The following C3orf49 variants were observed in gnomAD, a reference collection of about 807,000 sequenced individuals.
The protein encoded by C3orf49 is chromosome 3 open reading frame 49.
Under a neutral mutation model 13.3 loss-of-function variants are expected in C3orf49, and 27 were observed. The observed-to-expected ratio is 2.02, with a 90% confidence interval of 1.49 to 2.79. C3orf49 has a LOEUF of 2.79. C3orf49 is among the 30% of genes most tolerant of loss of function. C3orf49 has a pLI of 0.00. For synonymous variants in C3orf49, 87 were observed against 47.6 expected (o/e 1.83, Z -3.40); for missense variants, 242 against 134.2 (o/e 1.80, Z -3.97).
upstream of C3orf49, among the ~76,000 whole-genome samples, chr3:63,815,686 G>T (rs1701315802): frequency 6.6e-6 from 1 of 151,762 alleles, no homozygotes. Flanking sequence ...CTTTCTTGAT[G>T]ATTTTGGAGG....
chr3:63,848,154 A>T (rs950811300), intron 6 of C3orf49, among the ~76,000 whole-genome samples: 5 of 152,198 alleles, frequency 3.3e-5, no homozygotes, highest in African/African-American at 1.2e-4. Flanking sequence ...GTTGTCTCAT[A>T]AATCTACATT....
At chr3:63,807,536 T>C in the C3orf49 span, among the ~76,000 whole-genome samples, 1 of 152,084 alleles carries the variant, frequency 6.6e-6, no homozygotes, top group Non-Finnish European at 1.5e-5. Context: ...TGATTCAGGA[T>C]GAACTTCTCT....
chr3:63,798,787 G>A, the C3orf49 span, among the ~76,000 whole-genome samples: 9 of 152,136 alleles, frequency 5.9e-5, no homozygotes, highest in Non-Finnish European at 1.0e-4. Context: ...GTCATTCCAT[G>A]ATTGGTGAAA....
chr3:63,835,492 A>C (rs1701612951), intron 5 of C3orf49: 2 of 1,065,758 alleles, frequency 1.9e-6, no homozygotes, highest in African/African-American at 1.6e-5. Flanking sequence ...TAAAATAAAA[A>C]AAGGGCTTAT....
intron 5 of C3orf49, chr3:63,836,283 G>C (rs1701633447): frequency 6.2e-7 from 1 of 1,608,112 alleles, no homozygotes; most frequent in Admixed American, 1.7e-5. Flanking sequence ...TCCTTTCAAA[G>C]TAAAGCTCTA....
Position 63,827,585 on chromosome 3 carries a change from T to TC in C3orf49, c.446-11dup. The TC allele has an allele frequency of 1.4e-6, 1 of 699,902 alleles. No homozygotes were observed. Among genetic ancestry groups the TC allele is most frequent in the Non-Finnish European group, 2.6e-6 (1 of 383,716 alleles). 43.4% of individuals were successfully genotyped at this position (699,902 alleles called of 1,614,324 possible). ...ATTGTGATCCTTACAGATTCCTTTT[T>TC]CCCCCTTTCTTGAAGCGACTATACA... On this transcript the variant is annotated splice_polypyrimidine_tract_variant and intron_variant, in intron 2 of 6. Transcript: ENST00000295896.
intron 5 of C3orf49, chr3:63,835,219 T>A (rs1158999129): frequency 6.2e-7 from 1 of 1,613,672 alleles, no homozygotes; most frequent in East Asian, 2.2e-5. Flanking sequence ...CCGTCTCAAT[T>A]CCAGCTGTGT....
chr3:63,791,756 A>G, the C3orf49 span, among the ~76,000 whole-genome samples: 1 of 152,230 alleles, frequency 6.6e-6, no homozygotes, highest in Non-Finnish European at 1.5e-5. Flanking sequence ...TTTCAAGAAT[A>G]CTTTAAAACA....
rs1195642651 is a variant in C3orf49, at chr3:63,819,524, A to C, written c.53A>C (p.Lys18Thr). Residue 18 changes from lysine to threonine, a missense_variant, in exon 1 of 7, where the codon AAA becomes ACA. Physicochemically the swap from Lys to Thr is moderately conservative, Grantham distance 78. Transcript: ENST00000295896. ...GAACCCTTTAAGATTGCCTACAGAA[A>C]AGTTGGACAGTGCCGAAGATTCCAG... ...LPEPFKIAYR[K>T]VGQCRRFQQL... 1 of 703,198 alleles carries C rather than the reference A, an allele frequency of 1.4e-6. No homozygotes were observed. Among genetic ancestry groups the C allele is most frequent in the East Asian group, 2.7e-5 (1 of 37,286 alleles). The allele number at this position is 703,198 out of a possible 1,614,324, so 43.6% of individuals were successfully genotyped here.
chr3:63,838,462 G>A, intron 5 of C3orf49: 1 of 1,609,964 alleles, frequency 6.2e-7, no homozygotes, highest in Non-Finnish European at 8.5e-7. Context: ...AATTCACATT[G>A]AGACAGCGTG....
the C3orf49 span, among the ~76,000 whole-genome samples, chr3:63,813,693 C>A: frequency 1.2e-4 from 19 of 152,128 alleles, no homozygotes; most frequent in African/African-American, 4.6e-4. Context: ...TGTCTCCAGG[C>A]ACCCTCTATA....
At chr3:63,823,623 A>AT (rs1373314238) in intron 2 of C3orf49, 54 bp downstream of exon 2, 20 of 651,074 alleles carry the variant, frequency 3.1e-5, no homozygotes, top group Middle Eastern at 2.4e-4. Context: ...GAAGAGTGAA[A>AT]TTAGGATGGA....
the C3orf49 span, among the ~76,000 whole-genome samples, chr3:63,808,686 G>C: frequency 6.6e-6 from 1 of 152,146 alleles, no homozygotes; most frequent in South Asian, 2.1e-4. Context: ...AATTTAGTTG[G>C]TCAAGCTTTT....
chr3:63,811,935 A>T, the C3orf49 span, among the ~76,000 whole-genome samples: 5 of 144,060 alleles, frequency 3.5e-5, no homozygotes, highest in African/African-American at 5.3e-5. Flanking sequence ...ATTTAAAATT[A>T]AAAAAAAAAA....
chr3:63,784,384 G>A, the C3orf49 span, among the ~76,000 whole-genome samples: 1 of 152,162 alleles, frequency 6.6e-6, no homozygotes, highest in African/African-American at 2.4e-5. Flanking sequence ...AACTGTGATG[G>A]CTATAATCCA....
At chr3:63,819,630 A>G (rs1485429911) in intron 1 of C3orf49, 34 bp downstream of exon 1, 5 of 702,638 alleles carry the variant, frequency 7.1e-6, no homozygotes, top group African/African-American at 1.7e-5. Context: ...CTGTCAAATG[A>G]GAGTCTTTGG....
chr3:63,781,336 TC>T, the C3orf49 span, among the ~76,000 whole-genome samples: 1 of 152,002 alleles, frequency 6.6e-6, no homozygotes, highest in South Asian at 2.1e-4. Context: ...TCTGTTCTGT[TC>T]CATTGATCTA....
the C3orf49 span, among the ~76,000 whole-genome samples, chr3:63,780,406 G>C: frequency 2.0e-5 from 3 of 152,128 alleles, no homozygotes; most frequent in Admixed American, 6.5e-5. Context: ...ATTTGGGTTG[G>C]TTCCAAGTCT....
At chr3:63,835,429 G>A (rs578009054) in intron 5 of C3orf49, 34 of 1,587,124 alleles carry the variant, frequency 2.1e-5, no homozygotes, top group Non-Finnish European at 2.8e-5. Context: ...TGCTGAATGG[G>A]GGAGAAGAGT....
Sources: gnomAD v4.1 joint callset for allele counts (sites outside exome capture counted in the v4.1 genomes callset) on GRCh38, gnomAD v4.1.1 for gene constraint, MANE v1.5 for transcripts, NCBI Gene and HGNC (gene_info 2026-07-23, HGNC 2026-07-21) for gene names.